Variants in RHOF observed in about 807,000 individuals in gnomAD.
The protein encoded by RHOF is ras homolog family member F, filopodia associated.
RHOF carries 21 observed loss-of-function variants against 22.2 expected under a neutral mutation model. The observed-to-expected ratio is 0.95, with a 90% CI of 0.67 to 1.36. RHOF has a LOEUF of 1.36. Among genes scored for constraint, RHOF ranks in the 40% most tolerant of loss-of-function variants. RHOF has a pLI of 0.00. For synonymous variants in RHOF, 135 were observed against 131.2 expected (o/e 1.03, Z -0.20); for missense variants, 285 against 293.7 (o/e 0.97, Z 0.22).
rs911106301 is a variant in RHOF at position 121,781,125 on chromosome 12, A to G, written c.294T>C (p.Tyr98=). ...CGTAGCTGGTGGGATTCATGACGTC[A>G]TAGCAGATGAGCACGAGGTGGGTGT... ...YQNTHLVLIC[Y]DVMNPTSYDN... is the part of the protein sequence containing the mutation. The change falls in exon 3 of 5, where the codon TAT becomes TAC. Residue 98 remains tyrosine, a synonymous_variant. Transcript: ENST00000267205. 1.7e-5 allele frequency: 27 copies of G among 1,614,114 alleles called. No homozygotes were observed. The highest frequency in any genetic ancestry group is 2.1e-5 in the Non-Finnish European group (25 of 1,180,044).
chr12:121,786,060 C>T (rs960225679), intron 2 of RHOF, among the ~76,000 whole-genome samples: 1 of 151,418 alleles, frequency 6.6e-6, no homozygotes, highest in Non-Finnish European at 1.5e-5. Context: ...GGACTACAGG[C>T]GCCCACCACC....
Position 121,779,658 on chromosome 12 carries a change from A to G in RHOF, c.476T>C (p.Leu159Pro), listed in dbSNP as rs763438453. 8.1e-6 allele frequency: 13 copies of G among 1,613,844 alleles called. No individual in the cohort carries two copies. In the South Asian group the frequency reaches 1.4e-4, roughly 18 times the overall value. ...AGCTCGGATCTGTTCGCAGGCGCTC[A>G]GGCCCTGGGTGGGGGGAGGAGCCAG... The part of the protein sequence containing the change: ...QLEPITYMQG[L>P]SACEQIRAAL... Residue 159 changes from leucine (L) to proline (P), a missense_variant, in exon 5 of 5, where the codon CTG becomes CCG. Leu to Pro is a moderately conservative substitution (Grantham distance 98). Coordinates refer to ENST00000267205, the MANE Select transcript of RHOF (RefSeq NM_019034.3).
chr12:121,781,396 A>T (rs561527736), intron 2 of RHOF: 47 of 549,320 alleles, frequency 8.6e-5, no homozygotes, highest in Non-Finnish European at 1.4e-4. Flanking sequence ...GCTTGAGCCC[A>T]GGAGGTCAAG....
intron 2 of RHOF, among the ~76,000 whole-genome samples, chr12:121,787,917 G>A (rs1267223526): frequency 7.5e-6 from 1 of 132,986 alleles, no homozygotes; most frequent in Non-Finnish European, 1.6e-5. Flanking sequence ...AAAGGGGGGG[G>A]GGGCGGGGTT....
At chr12:121,785,273 G>A (rs1175030754) in intron 2 of RHOF, among the ~76,000 whole-genome samples, 1 of 152,148 alleles carries the variant, frequency 6.6e-6, no homozygotes, top group Non-Finnish European at 1.5e-5. Context: ...TCAGAGCAGT[G>A]CATGATCTAA....
At chr12:121,782,008 C>A (rs1874480927) in intron 2 of RHOF, 1 of 152,098 alleles carries the variant, frequency 6.6e-6, no homozygotes, top group African/African-American at 2.4e-5. Flanking sequence ...ATAAACAATT[C>A]TTTGTAACTT....
Position 121,793,583 on chromosome 12 carries a change from C to T in RHOF, c.51G>A (p.Arg17=). Residue 17 remains arginine, a synonymous_variant, in exon 1 of 5, where the codon AGG becomes AGA. Coordinates refer to ENST00000267205, the MANE Select transcript of RHOF (RefSeq NM_019034.3). ...CCACGATCACGATCTTCAGCTCCTT[C>T]CTGCCCGGACCGGGGGCGGCGGTCT... ...LAQTAAPGPG[R]KELKIVIVGD... 2 of 1,552,854 alleles carry T rather than the reference C, an allele frequency of 1.3e-6. No individual in the cohort carries two copies.
Position 121,779,544 on chromosome 12 carries a change from T to C in RHOF, c.590A>G (p.Lys197Arg), listed in dbSNP as rs1874365759. 3 of 1,613,278 alleles carry C rather than the reference T, an allele frequency of 1.9e-6. No homozygotes were observed. Among genetic ancestry groups the C allele is most frequent in the Middle Eastern group, 1.6e-4 (1 of 6,062 alleles). The change falls in exon 5 of 5, where the codon AAG (lysine) becomes AGG (arginine). Residue 197 changes from lysine to arginine, a missense_variant. Physicochemically the swap from Lys to Arg is conservative, Grantham distance 26. Transcript: ENST00000267205. ...GCGCTTCTTCTGCCGTTGCGCCTTC[T>C]TCAGAGCGCTGAGAGCCACCTTGGC... ...EAAKVALSAL[K>R]KAQRQKKRRL...
intron 2 of RHOF, 99 bp downstream of exon 2, chr12:121,793,053 C>T: frequency 9.4e-7 from 1 of 1,060,504 alleles, no homozygotes. Context: ...AAGGCCCTGC[C>T]AAGGCTGCAG....
At chr12:121,790,024 C>T (rs1022823332) in intron 2 of RHOF, among the ~76,000 whole-genome samples, 1 of 152,244 alleles carries the variant, frequency 6.6e-6, no homozygotes, top group East Asian at 1.9e-4. Flanking sequence ...GTCAGGGCCC[C>T]GGTGAGGCCG....
At chr12:121,790,609 C>T (rs148250891) in intron 2 of RHOF, among the ~76,000 whole-genome samples, 43 of 152,372 alleles carry the variant, frequency 2.8e-4, no homozygotes, top group Admixed American at 5.2e-4. Context: ...ATGAGCAAGC[C>T]TTCCCTGGTC....
At chr12:121,781,351 G>A in intron 2 of RHOF, 159 bp from the exon 3 acceptor site, 2 of 639,878 alleles carry the variant, frequency 3.1e-6, no homozygotes, top group East Asian at 2.8e-5. Context: ...CAGGCCTGTG[G>A]TCGCAGCTAC....
chr12:121,790,343 A>G (rs1874732187), intron 2 of RHOF, among the ~76,000 whole-genome samples: 1 of 152,200 alleles, frequency 6.6e-6, no homozygotes, highest in Non-Finnish European at 1.5e-5. Context: ...ACTTTCTACA[A>G]CTACGTTTAC....
At position 121,779,371 on chromosome 12, in the gene RHOF, C is replaced by G; in HGVS notation, c.*127G>C. On this transcript the variant is annotated 3_prime_UTR_variant, in exon 5 of 5. Coordinates refer to ENST00000267205, the MANE Select transcript of RHOF (RefSeq NM_019034.3). ...GAAAGGAGAGAGTTCCAGAATGTTCCAAGAGTCTAGCCGCAGGCCCCAGAC... is the reference window on the plus strand; with the variant it reads ...GAAAGGAGAGAGTTCCAGAATGTTCGAAGAGTCTAGCCGCAGGCCCCAGAC... 1 of 1,008,378 alleles carries G rather than the reference C, an allele frequency of 9.9e-7. No homozygotes were observed. Among genetic ancestry groups the G allele is most frequent in the South Asian group, 1.6e-5 (1 of 62,694 alleles). 62.5% of individuals were successfully genotyped at this position (1,008,378 alleles called of 1,614,324 possible).
intron 2 of RHOF, among the ~76,000 whole-genome samples, chr12:121,792,379 T>A (rs1874787799): frequency 6.6e-6 from 1 of 152,214 alleles, no homozygotes. Context: ...TCCCACTGAC[T>A]GTTTCTCCTG....
At chr12:121,785,242 C>T (rs975834250) in intron 2 of RHOF, among the ~76,000 whole-genome samples, 3 of 152,070 alleles carry the variant, frequency 2.0e-5, no homozygotes, top group South Asian at 2.1e-4. Context: ...AGCAGGACAG[C>T]GCACGATCTC....
chr12:121,788,920 C>A (rs1256264614), intron 2 of RHOF, among the ~76,000 whole-genome samples: 1 of 152,090 alleles, frequency 6.6e-6, no homozygotes, highest in Non-Finnish European at 1.5e-5. Flanking sequence ...TCTTTGGACC[C>A]AGAAGCTTCA....
intron 4 of RHOF, 64 bp from the exon 5 acceptor site, chr12:121,779,726 TG>T (rs1177107857): frequency 1.2e-5 from 19 of 1,576,292 alleles, no homozygotes; most frequent in Non-Finnish European, 8.7e-7. Context: ...CACCACCTGG[TG>T]GGTTTGGGAC....
At chr12:121,783,608 G>A (rs1405970376) in intron 2 of RHOF, among the ~76,000 whole-genome samples, 13 of 152,130 alleles carry the variant, frequency 8.5e-5, no homozygotes, top group Non-Finnish European at 1.2e-4. Flanking sequence ...TCAGCCTCCC[G>A]AGTAGCTAGG....
Sources: gnomAD v4.1 joint callset for allele counts (sites outside exome capture counted in the v4.1 genomes callset) on GRCh38, gnomAD v4.1.1 for gene constraint, MANE v1.5 for transcripts, NCBI Gene and HGNC (gene_info 2026-07-23, HGNC 2026-07-21) for gene names.